Variants in GATAD2A observed in about 807,000 individuals in gnomAD.
GATAD2A encodes the protein GATA zinc finger domain containing 2A.
A neutral mutation model predicts 68.5 loss-of-function variants in GATAD2A; 12 were observed. That is an observed-to-expected ratio of 0.18 (90% CI 0.11 to 0.28). The LOEUF (loss-of-function observed/expected upper bound fraction) is 0.28. Ranked by LOEUF, GATAD2A falls within the 10% of genes least tolerant of loss-of-function variation. GATAD2A has a pLI of 1.00. For synonymous variants in GATAD2A, 410 were observed against 375.3 expected (o/e 1.09, Z -1.07); for missense variants, 755 against 868.5 (o/e 0.87, Z 1.64).
chr19:19,503,644 C>CTGTGTGTGTGTGTGTG (rs58706182), intron 11 of GATAD2A, among the ~76,000 whole-genome samples: 4 of 148,716 alleles, frequency 2.7e-5, no homozygotes, highest in Admixed American at 2.0e-4. Flanking sequence ...CATCTGGAAG[C>CTGTGTGTGTGTGTGTG]TGTGTGTGTG....
chr19:19,502,032 G>C lies in GATAD2A; in HGVS notation c.1567G>C (p.Ala523Pro), dbSNP rs1472233551. The C allele has an allele frequency of 4.3e-6, 7 of 1,613,224 alleles. No individual in the cohort carries two copies. In the South Asian group the frequency reaches 7.7e-5, roughly 18 times the overall value. Reference protein sequence around the residue: ...SGEARDWSNGAVLQASSQLSR... With the variant: ...SGEARDWSNGPVLQASSQLSR... The stretch of plus-strand genomic sequence containing the variant: ...AGAGGCCCGCGACTGGAGTAACGGG[G>C]CTGTGCTACAGGTCAGAACCGCACT... The change falls in exon 10 of 12, where the codon GCT becomes CCT. Residue 523 changes from alanine (A) to proline (P), a missense_variant. Transcript: ENST00000683918.
rs1202918288 is a variant in GATAD2A, at chr19:19,437,628, A to C, written c.-6-27712A>C. ...CCTTTCTACTGATGACCTCTAATCT[A>C]CTTTCTGTTGATTTGCCTGTTGTGG... On this transcript the variant is annotated intron_variant, in intron 1 of 11. Coordinates refer to ENST00000683918, the MANE Select transcript of GATAD2A (RefSeq NM_001384528.1). 5.9e-5 allele frequency among the ~76,000 whole-genome samples: 9 copies of C among 152,138 alleles called. No homozygotes were observed. The East Asian group carries it at 1.7e-3, about 29-fold the overall frequency.
intron 2 of GATAD2A, among the ~76,000 whole-genome samples, chr19:19,474,558 CTGAG>C (rs2058541273): frequency 6.6e-6 from 1 of 152,182 alleles, no homozygotes; most frequent in East Asian, 1.9e-4. Flanking sequence ...TGGTGTGCCT[CTGAG>C]TGGTGTGCAC....
intron 1 of GATAD2A, among the ~76,000 whole-genome samples, chr19:19,398,591 C>T (rs184217679): frequency 7.9e-4 from 120 of 152,122 alleles, no homozygotes; most frequent in African/African-American, 2.7e-3. Flanking sequence ...CCTTGGCCTC[C>T]CAAAGTGCTG....
chr19:19,466,590 A>ACCCAAACT (rs2057886308), intron 2 of GATAD2A, among the ~76,000 whole-genome samples: 1 of 152,180 alleles, frequency 6.6e-6, no homozygotes, highest in Non-Finnish European at 1.5e-5. Context: ...CGTTTTTGGA[A>ACCCAAACT]CCCAAACTGT....
chr19:19,451,241 T>C (rs1404796138), intron 1 of GATAD2A, among the ~76,000 whole-genome samples: 2 of 150,608 alleles, frequency 1.3e-5, no homozygotes, highest in African/African-American at 2.4e-5. Context: ...ATTAGCCGTT[T>C]GTGGTGGTGC....
At chr19:19,450,771 T>G (rs1350914902) in intron 1 of GATAD2A, among the ~76,000 whole-genome samples, 2 of 151,250 alleles carry the variant, frequency 1.3e-5, no homozygotes, top group South Asian at 2.1e-4. Flanking sequence ...AACTCTTTTT[T>G]TTTGTTTGTT....
At chr19:19,423,201 C>T (rs1236437106) in intron 1 of GATAD2A, among the ~76,000 whole-genome samples, 2 of 152,154 alleles carry the variant, frequency 1.3e-5, no homozygotes, top group African/African-American at 4.8e-5. Context: ...GAGACAGAGT[C>T]CCATTGTATT....
At chr19:19,406,464 G>C (rs975079570) in intron 1 of GATAD2A, among the ~76,000 whole-genome samples, 3 of 151,798 alleles carry the variant, frequency 2.0e-5, no homozygotes, top group Non-Finnish European at 4.4e-5. Flanking sequence ...GGCGGCGGCG[G>C]CGGCGGCGGC....
rs145753211 is a variant in GATAD2A at position 19,464,872 on chromosome 19, A to G, written c.-6-468A>G. 1,708 of 212,676 alleles carry G rather than the reference A, an allele frequency of 8.0e-3. 37 individuals carry two copies. The highest frequency in any genetic ancestry group is 0.049 in the South Asian group (615 of 12,458). The allele number at this position is 212,676 out of a possible 1,614,324, so 13.2% of individuals were successfully genotyped here. On this transcript the variant is annotated intron_variant, in intron 1 of 11. Transcript: ENST00000683918. The stretch of plus-strand genomic sequence containing the variant: ...TGGGGTTAACTCGAGTCACCACAGC[A>G]TAGGGCTAGTCCCAGGCCCCGACCC...
chr19:19,411,405 G>A (rs568131033), intron 1 of GATAD2A, among the ~76,000 whole-genome samples: 257 of 152,298 alleles, frequency 1.7e-3, no homozygotes, highest in African/African-American at 5.6e-3. Context: ...GCTGTTTGCC[G>A]GGCAGATCTG....
chr19:19,431,731 T>C (rs1410608949), intron 1 of GATAD2A, among the ~76,000 whole-genome samples: 2 of 151,882 alleles, frequency 1.3e-5, no homozygotes, highest in East Asian at 1.9e-4. Context: ...GCACCACTTA[T>C]GTGTCAGACA....
chr19:19,416,346 G>T (rs1325088560), intron 1 of GATAD2A, among the ~76,000 whole-genome samples: 1 of 152,118 alleles, frequency 6.6e-6, no homozygotes, highest in East Asian at 1.9e-4. Flanking sequence ...TTGTTCAGAT[G>T]AGAGATGATT....
At chr19:19,454,074 C>T (rs62136982) in intron 1 of GATAD2A, among the ~76,000 whole-genome samples, 13 of 151,364 alleles carry the variant, frequency 8.6e-5, no homozygotes, top group African/African-American at 2.9e-4. Context: ...CTTGGCTCAC[C>T]GCAACCTCTA....
In GATAD2A at chr19:19,501,908, C is replaced by A. The variant is rs146029649; in HGVS notation, c.1504-61C>A. 3.0e-4 allele frequency: 395 copies of A among 1,338,620 alleles called. 3 individuals are homozygous for A. The East Asian group carries it at 8.7e-3, about 29-fold the overall frequency. 82.9% of individuals were successfully genotyped at this position (1,338,620 alleles called of 1,614,324 possible). On this transcript the variant is annotated intron_variant, in intron 9 of 11. Coordinates refer to ENST00000683918, the MANE Select transcript of GATAD2A (RefSeq NM_001384528.1). ...GGGCCTGTCCTGTGGGGCTCACCCT[C>A]GGTCACCCTGGGCCGGCCAGCGGAC...
At chr19:19,386,398 G>T (rs1320987353) in intron 1 of GATAD2A, among the ~76,000 whole-genome samples, 1 of 151,158 alleles carries the variant, frequency 6.6e-6, no homozygotes, top group African/African-American at 2.4e-5. Flanking sequence ...CTCTCCAGGA[G>T]ACCCTTGCCT....
chr19:19,477,208 G>A (rs1400908562), intron 2 of GATAD2A, among the ~76,000 whole-genome samples: 1 of 152,198 alleles, frequency 6.6e-6, no homozygotes, highest in African/African-American at 2.4e-5. Flanking sequence ...TGGAGGGTGG[G>A]AGACAAGGGA....
At chr19:19,392,178 C>T (rs1245629766) in intron 1 of GATAD2A, among the ~76,000 whole-genome samples, 3 of 149,344 alleles carry the variant, frequency 2.0e-5, no homozygotes, top group South Asian at 2.1e-4. Flanking sequence ...CCTCGACTTC[C>T]GGGCTCAAGT....
At chr19:19,454,079 C>T (rs1189369133) in intron 1 of GATAD2A, among the ~76,000 whole-genome samples, 1 of 151,772 alleles carries the variant, frequency 6.6e-6, no homozygotes, top group Non-Finnish European at 1.5e-5. Flanking sequence ...CTCACCGCAA[C>T]CTCTACTTCC....
Sources: gnomAD v4.1 joint callset for allele counts (sites outside exome capture counted in the v4.1 genomes callset) on GRCh38, gnomAD v4.1.1 for gene constraint, MANE v1.5 for transcripts, NCBI Gene and HGNC (gene_info 2026-07-23, HGNC 2026-07-21) for gene names.